The following PAFAH1B1 variants were observed in gnomAD, a reference collection of about 807,000 sequenced individuals.
The protein encoded by PAFAH1B1 is platelet activating factor acetylhydrolase 1b regulatory subunit 1, also known as platelet-activating factor acetylhydrolase IB subunit beta.
Under a neutral mutation model 57.5 loss-of-function variants are expected in PAFAH1B1, and 2 were observed. The ratio of observed to expected loss-of-function variants is 0.03; its 90% CI spans 0.01 to 0.11. The LOEUF is 0.11. Among genes scored for constraint, PAFAH1B1 ranks in the 10% least tolerant of loss-of-function variants. The pLI, the probability that PAFAH1B1 is intolerant of heterozygous loss-of-function variation, is 1.00. For missense variants in PAFAH1B1, 257 were observed against 512.0 expected (o/e 0.50, Z 4.81); for synonymous variants, 152 against 169.6 (o/e 0.90, Z 0.81).
At chr17:2,623,261 CT>C (rs376810275) in intron 1 of PAFAH1B1, among the ~76,000 whole-genome samples, 52,442 of 103,910 alleles carry the variant, frequency 0.5, 12,252 homozygotes, top group East Asian at 0.62. Flanking sequence ...TTTTTCCTTT[CT>C]TTTTTTTTTT....
chr17:2,624,359 C>T (rs2068462177), intron 1 of PAFAH1B1, among the ~76,000 whole-genome samples: 1 of 152,138 alleles, frequency 6.6e-6, no homozygotes, highest in East Asian at 1.9e-4. Flanking sequence ...AGCAATTCCG[C>T]GTTCTACTGT....
At chr17:2,638,505 AATTT>A in intron 2 of PAFAH1B1, 185 bp downstream of exon 2, 1 of 563,676 alleles carries the variant, frequency 1.8e-6, no homozygotes, top group Non-Finnish European at 3.2e-6. Context: ...TTATTTTTAA[AATTT>A]ATTTATTCTT....
chr17:2,622,508 CTCCAGGTCTCAGA>C (rs1230819430), intron 1 of PAFAH1B1, among the ~76,000 whole-genome samples: 1 of 152,212 alleles, frequency 6.6e-6, no homozygotes, highest in Non-Finnish European at 1.5e-5. Context: ...TCTCCTTTGA[CTCCAGGTCTCAGA>C]TCCAGGTCAC....
chr17:2,672,285 CAAAA>C (rs35332619), intron 6 of PAFAH1B1, among the ~76,000 whole-genome samples: 1 of 69,588 alleles, frequency 1.4e-5, no homozygotes, highest in Non-Finnish European at 2.4e-5. Flanking sequence ...CCTTGCCTCA[CAAAA>C]AAAAAAAAAA....
intron 2 of PAFAH1B1, among the ~76,000 whole-genome samples, chr17:2,653,119 A>C (rs2068887214): frequency 6.6e-6 from 1 of 152,180 alleles, no homozygotes; most frequent in Non-Finnish European, 1.5e-5. Flanking sequence ...TGCCCTTTAT[A>C]GGGACATGGA....
chr17:2,615,794 A>G (rs2068332151), intron 1 of PAFAH1B1, among the ~76,000 whole-genome samples: 1 of 152,224 alleles, frequency 6.6e-6, no homozygotes, highest in African/African-American at 2.4e-5. Context: ...GCACCCATCA[A>G]CAAATGAACA....
At chr17:2,677,888 G>T (rs1398035038) in intron 9 of PAFAH1B1, among the ~76,000 whole-genome samples, 2 of 149,674 alleles carry the variant, frequency 1.3e-5, no homozygotes, top group Non-Finnish European at 3.0e-5. Context: ...AAAAGAAAAT[G>T]AAACTCTCCT....
rs150553959 is a variant in PAFAH1B1 at position 2,637,936 on chromosome 17, G to A, written c.-190-163G>A. ...ATTAATTTAAAAGACAAAACAGTAT[G>A]GTTTTTGACATTAGTTGACTTTCAC... is the stretch of plus-strand genomic sequence containing the variant. On this transcript the variant is annotated intron_variant, in intron 1 of 10. Coordinates refer to ENST00000397195, the MANE Select transcript of PAFAH1B1 (RefSeq NM_000430.4). Among the ~76,000 whole-genome samples the A allele has an allele frequency of 5.9e-5, 9 of 152,086 alleles. No homozygotes were observed. In the East Asian group the frequency reaches 1.7e-3, roughly 29 times the overall value.
chr17:2,668,034 T>C (rs2069131497), intron 5 of PAFAH1B1, among the ~76,000 whole-genome samples: 1 of 151,864 alleles, frequency 6.6e-6, no homozygotes, highest in Admixed American at 6.6e-5. Context: ...TACAAAAGTA[T>C]AACCAATCGG....
chr17:2,620,083 C>T (rs1326359209), intron 1 of PAFAH1B1, among the ~76,000 whole-genome samples: 1 of 152,150 alleles, frequency 6.6e-6, no homozygotes, highest in Non-Finnish European at 1.5e-5. Flanking sequence ...GCCCCAGCCC[C>T]ATATTTTCAT....
rs2069200123 is a variant in PAFAH1B1 at position 2,672,674 on chromosome 17, T to C, written c.588T>C (p.Ser196=). The change falls in exon 7 of 11, where the codon TCT becomes TCC. Residue 196 remains serine (S), a synonymous_variant. Transcript: ENST00000397195. ...RTMHGHDHNV[S]SVAIMPNGDH... ...TTTTAGGCCATGACCACAATGTTTC[T>C]TCAGTAGCCATCATGCCCAATGGAG... 2 of 1,612,150 alleles carry C rather than the reference T, an allele frequency of 1.2e-6. No homozygotes were observed. The highest frequency in any genetic ancestry group is 1.7e-6 in the Non-Finnish European group (2 of 1,178,282).
intron 1 of PAFAH1B1, among the ~76,000 whole-genome samples, chr17:2,610,736 T>C (rs2068258827): frequency 6.6e-6 from 1 of 152,000 alleles, no homozygotes; most frequent in Non-Finnish European, 1.5e-5. Context: ...TGGGCTAGAG[T>C]TTCTCATGGG....
At chr17:2,665,734 T>C (rs955613144) in intron 3 of PAFAH1B1, among the ~76,000 whole-genome samples, 1 of 152,138 alleles carries the variant, frequency 6.6e-6, no homozygotes, top group Non-Finnish European at 1.5e-5. Flanking sequence ...TCCGAGTAGC[T>C]GGGATTACAG....
chr17:2,650,539 G>A (rs139597889), intron 2 of PAFAH1B1, among the ~76,000 whole-genome samples: 31 of 147,988 alleles, frequency 2.1e-4, no homozygotes, highest in Non-Finnish European at 3.1e-4. Flanking sequence ...CAGGGATGTC[G>A]GCGCAGTCTT....
chr17:2,617,143 T>C (rs1272754847), intron 1 of PAFAH1B1, among the ~76,000 whole-genome samples: 2 of 152,170 alleles, frequency 1.3e-5, no homozygotes, highest in Non-Finnish European at 2.9e-5. Context: ...GTTACTTAAA[T>C]CTAAGTCTGA....
At chr17:2,602,908 G>T (rs139901456) in intron 1 of PAFAH1B1, among the ~76,000 whole-genome samples, 10 of 152,256 alleles carry the variant, frequency 6.6e-5, no homozygotes, top group African/African-American at 1.2e-4. Context: ...AGGCTCCACA[G>T]TTGGGGCTTT....
intron 2 of PAFAH1B1, chr17:2,639,445 A>G (rs1292330404): frequency 6.6e-6 from 1 of 152,110 alleles, no homozygotes; most frequent in Non-Finnish European, 1.5e-5. Flanking sequence ...TTAATGAGAG[A>G]GGTGTGAAAT....
chr17:2,600,405 A>G (rs1473864335), intron 1 of PAFAH1B1, among the ~76,000 whole-genome samples: 1 of 151,764 alleles, frequency 6.6e-6, no homozygotes, highest in Non-Finnish European at 1.5e-5. Context: ...CCCTGTCTCT[A>G]CTAAAAATAC....
Position 2,652,935 on chromosome 17 carries a change from A to T in PAFAH1B1, c.33-12437A>T, listed in dbSNP as rs1222705158. Among the ~76,000 whole-genome samples the T allele has an allele frequency of 2.6e-5, 4 of 152,308 alleles. No homozygotes were observed. In the East Asian group the frequency reaches 7.7e-4, roughly 29 times the overall value. On this transcript the variant is annotated intron_variant, in intron 2 of 10. Coordinates refer to ENST00000397195, the MANE Select transcript of PAFAH1B1 (RefSeq NM_000430.4). ...ATTACTGGGTATATATACCCAAAGGATTATAAATCATGCTGCTATAAAGAC... is the reference window on the plus strand; with the variant it reads ...ATTACTGGGTATATATACCCAAAGGTTTATAAATCATGCTGCTATAAAGAC...
Sources: gnomAD v4.1 joint callset for allele counts (sites outside exome capture counted in the v4.1 genomes callset) on GRCh38, gnomAD v4.1.1 for gene constraint, MANE v1.5 for transcripts, NCBI Gene and HGNC (gene_info 2026-07-23, HGNC 2026-07-21) for gene names.